The following MECOM variants were observed in gnomAD, a reference collection of about 807,000 sequenced individuals.
MECOM encodes the protein histone-lysine N-methyltransferase MECOM.
Under a neutral mutation model 116.3 loss-of-function variants are expected in MECOM, and 13 were observed. The ratio of observed to expected loss-of-function variants is 0.11; its 90% CI spans 0.07 to 0.18. The LOEUF (loss-of-function observed/expected upper bound fraction) is 0.18, where lower values mean the gene tolerates loss of function less well. Among genes scored for constraint, MECOM ranks in the 10% least tolerant of loss-of-function variants. The pLI, the probability that MECOM is intolerant of heterozygous loss-of-function variation, is 1.00. For missense variants in MECOM, 1,299 were observed against 1,509.0 expected, an observed-to-expected ratio of 0.86 and a Z score of 2.31; for synonymous variants, 528 against 535.2, an observed-to-expected ratio of 0.99 and a Z score of 0.19.
chr3:169,427,617 A>C (rs1026287185), intron 1 of MECOM, among the ~76,000 whole-genome samples: 6 of 152,210 alleles, frequency 3.9e-5, no homozygotes, highest in African/African-American at 1.4e-4. Context: ...GATGTGAGTT[A>C]TGTCCAGGTC....
intron 1 of MECOM, among the ~76,000 whole-genome samples, chr3:169,438,052 T>A (rs1240796594): frequency 6.6e-6 from 1 of 152,194 alleles, no homozygotes; most frequent in Non-Finnish European, 1.5e-5. Context: ...GATATGACTC[T>A]CATCCCCATT....
intron 1 of MECOM, among the ~76,000 whole-genome samples, chr3:169,394,576 A>G (rs1448260025): frequency 1.3e-5 from 2 of 152,168 alleles, no homozygotes; most frequent in African/African-American, 2.4e-5. Context: ...TGAGTTTATC[A>G]TATTTGCAGA....
chr3:169,341,061 T>C (rs969332678), intron 2 of MECOM, among the ~76,000 whole-genome samples: 1 of 152,140 alleles, frequency 6.6e-6, no homozygotes, highest in Non-Finnish European at 1.5e-5. Flanking sequence ...ACCAGGGTGA[T>C]AGACTGTATT....
At chr3:169,402,148 G>C (rs1027044880) in intron 1 of MECOM, among the ~76,000 whole-genome samples, 2 of 152,136 alleles carry the variant, frequency 1.3e-5, no homozygotes. Context: ...TAAGGGAGTG[G>C]AACGGGGATA....
At chr3:169,333,365 G>A (rs772020070) in intron 2 of MECOM, among the ~76,000 whole-genome samples, 1 of 152,060 alleles carries the variant, frequency 6.6e-6, no homozygotes, top group Non-Finnish European at 1.5e-5. Context: ...CTGTATTTTA[G>A]GAATTAAATA....
At chr3:169,475,422 C>T (rs1185925612) in intron 1 of MECOM, among the ~76,000 whole-genome samples, 1 of 152,060 alleles carries the variant, frequency 6.6e-6, no homozygotes, top group Non-Finnish European at 1.5e-5. Context: ...GTTTCATGAC[C>T]TTCCTCTTAT....
At chr3:169,486,966 T>C (rs910637754) in intron 1 of MECOM, among the ~76,000 whole-genome samples, 1 of 152,144 alleles carries the variant, frequency 6.6e-6, no homozygotes, top group African/African-American at 2.4e-5. Context: ...TAATAATTAA[T>C]TAATTTTTAA....
intron 1 of MECOM, among the ~76,000 whole-genome samples, chr3:169,408,859 A>T (rs1045856201): frequency 7.1e-6 from 1 of 140,652 alleles, no homozygotes; most frequent in African/African-American, 3.0e-5. Flanking sequence ...TGTGACAATT[A>T]AAAAAAAAAC....
At chr3:169,209,111 A>G (rs1329064152) in intron 2 of MECOM, among the ~76,000 whole-genome samples, 1 of 152,216 alleles carries the variant, frequency 6.6e-6, no homozygotes, top group Admixed American at 6.5e-5. Flanking sequence ...TCCCTATTTA[A>G]TAAATGGTGC....
chr3:169,188,162 C>T (rs377603231), intron 2 of MECOM, among the ~76,000 whole-genome samples: 17 of 152,098 alleles, frequency 1.1e-4, no homozygotes, highest in East Asian at 7.7e-4. Context: ...CTCTCAATAC[C>T]TGACAACCTT....
chr3:169,412,871 A>C (rs1201862557), intron 1 of MECOM, among the ~76,000 whole-genome samples: 10 of 152,152 alleles, frequency 6.6e-5, no homozygotes, highest in Non-Finnish European at 1.5e-4. Context: ...AAAAGTTTAA[A>C]CTGTTCAGTT....
chr3:169,269,152 A>G (rs1001298093), intron 2 of MECOM: 4 of 152,024 alleles, frequency 2.6e-5, no homozygotes, highest in Admixed American at 2.0e-4. Context: ...TTCTCATGCT[A>G]TTCCTAGGTG....
At chr3:169,333,882 T>TTCCTTCCTTCTC (rs1218069678) in intron 2 of MECOM, among the ~76,000 whole-genome samples, 10 of 147,180 alleles carry the variant, frequency 6.8e-5, no homozygotes, top group African/African-American at 2.3e-4. Context: ...CCTTCTCTCC[T>TTCCTTCCTTCTC]TCCTTCCTTC....
At chr3:169,365,803 A>T (rs1474355773) in intron 2 of MECOM, among the ~76,000 whole-genome samples, 1 of 152,044 alleles carries the variant, frequency 6.6e-6, no homozygotes, top group Non-Finnish European at 1.5e-5. Flanking sequence ...GTATGCAAGT[A>T]AAAACAACAT....
chr3:169,284,185 G>A (rs1465851402), intron 2 of MECOM, among the ~76,000 whole-genome samples: 1 of 152,154 alleles, frequency 6.6e-6, no homozygotes, highest in Non-Finnish European at 1.5e-5. Flanking sequence ...CATGCGATAA[G>A]GGAAAATGAA....
intron 2 of MECOM, among the ~76,000 whole-genome samples, chr3:169,310,994 T>C (rs909381835): frequency 6.6e-6 from 1 of 152,214 alleles, no homozygotes; most frequent in African/African-American, 2.4e-5. Flanking sequence ...ATTAAGAAGA[T>C]ACAGTAATAT....
intron 2 of MECOM, among the ~76,000 whole-genome samples, chr3:169,240,407 CTG>C (rs1219314952): frequency 6.6e-6 from 1 of 152,116 alleles, no homozygotes; most frequent in African/African-American, 2.4e-5. Context: ...TTTTTATAGA[CTG>C]TGTTTTTGAA....
chr3:169,275,159 A>G (rs773261393), intron 2 of MECOM, among the ~76,000 whole-genome samples: 4 of 152,214 alleles, frequency 2.6e-5, no homozygotes, highest in Non-Finnish European at 5.9e-5. Context: ...ATGTACTTAT[A>G]TGGAGAAATG....
At chr3:169,435,523 T>A (rs577270853) in intron 1 of MECOM, among the ~76,000 whole-genome samples, 1 of 152,170 alleles carries the variant, frequency 6.6e-6, no homozygotes, top group Non-Finnish European at 1.5e-5. Context: ...TGGAAACATA[T>A]GTTTTCTCCA....
Sources: gnomAD v4.1 joint callset for allele counts (sites outside exome capture counted in the v4.1 genomes callset) on GRCh38, gnomAD v4.1.1 for gene constraint, MANE v1.5 for transcripts, NCBI Gene and HGNC (gene_info 2026-07-23, HGNC 2026-07-21) for gene names.